SEMA3A: variants seen among roughly 807,000 people sequenced by gnomAD.
SEMA3A encodes the protein semaphorin-3A.
SEMA3A carries 29 observed loss-of-function variants against 97.9 expected under a neutral mutation model. The ratio of observed to expected loss-of-function variants is 0.30; its 90% CI spans 0.22 to 0.40. The LOEUF (loss-of-function observed/expected upper bound fraction) is 0.40, where lower values mean the gene tolerates loss of function less well. Among genes scored for constraint, SEMA3A ranks in the 10% least tolerant of loss-of-function variants. The probability of loss-of-function intolerance (pLI) is 1.00; values close to 1 mark genes in which losing one functional copy is unlikely to be tolerated. For synonymous variants in SEMA3A, 321 were observed against 323.7 expected (o/e 0.99, Z 0.09); for missense variants, 763 against 951.3 (o/e 0.80, Z 2.60).
At chr7:84,081,308 T>G (rs1794146505) in intron 4 of SEMA3A, among the ~76,000 whole-genome samples, 1 of 151,726 alleles carries the variant, frequency 6.6e-6, no homozygotes, top group Non-Finnish European at 1.5e-5. Context: ...CCCAAGCTTG[T>G]AGGGCCGGGC....
At chr7:84,338,210 T>G (rs1048346055) in intron 2 of SEMA3A, among the ~76,000 whole-genome samples, 23 of 151,664 alleles carry the variant, frequency 1.5e-4, no homozygotes, top group African/African-American at 5.5e-4. Flanking sequence ...GTTCCATATA[T>G]CCCAATAATG....
intron 12 of SEMA3A, among the ~76,000 whole-genome samples, chr7:83,990,807 T>TC (rs1321288988): frequency 1.6e-4 from 21 of 133,120 alleles, no homozygotes; most frequent in African/African-American, 5.8e-4. Flanking sequence ...CGCAGGCTCT[T>TC]TTTTGGTTCC....
intron 1 of SEMA3A, among the ~76,000 whole-genome samples, chr7:84,452,255 T>C (rs1805574402): frequency 6.6e-6 from 1 of 151,942 alleles, no homozygotes; most frequent in South Asian, 2.1e-4. Flanking sequence ...AGGCAATATA[T>C]TTTTTAAAAA....
intron 3 of SEMA3A, among the ~76,000 whole-genome samples, chr7:84,257,649 C>T (rs61237876): frequency 0.017 from 2,622 of 152,210 alleles, 75 homozygotes; most frequent in African/African-American, 0.06. Context: ...ACAGTGCCTG[C>T]TGTGATTTTC....
At chr7:84,436,095 C>A (rs1434548163) in intron 1 of SEMA3A, among the ~76,000 whole-genome samples, 1 of 152,078 alleles carries the variant, frequency 6.6e-6, no homozygotes, top group Non-Finnish European at 1.5e-5. Context: ...ACTTCCTATT[C>A]AATAAATGGT....
intron 1 of SEMA3A, among the ~76,000 whole-genome samples, chr7:84,160,186 T>C (rs1002930994): frequency 3.3e-5 from 5 of 152,132 alleles, no homozygotes; most frequent in East Asian, 1.9e-4. Flanking sequence ...ATGTTTACTA[T>C]AGACTATTTA....
chr7:84,265,388 T>G (rs1799964604), intron 3 of SEMA3A, among the ~76,000 whole-genome samples: 1 of 150,022 alleles, frequency 6.7e-6, no homozygotes, highest in African/African-American at 2.4e-5. Flanking sequence ...GAATCCACTG[T>G]AACTGCGTTC....
At chr7:84,222,851 GC>G (rs1194242673) in intron 3 of SEMA3A, among the ~76,000 whole-genome samples, 2 of 151,918 alleles carry the variant, frequency 1.3e-5, no homozygotes, top group African/African-American at 2.4e-5. Flanking sequence ...CACTAGGGAA[GC>G]TTTTGCAAAA....
intron 6 of SEMA3A, among the ~76,000 whole-genome samples, chr7:84,033,284 C>T (rs963471500): frequency 6.6e-6 from 1 of 152,018 alleles, no homozygotes; most frequent in African/African-American, 2.4e-5. Flanking sequence ...AATTTTTAGG[C>T]TGTCATAAAG....
chr7:84,300,014 A>G (rs1465167614), intron 3 of SEMA3A, among the ~76,000 whole-genome samples: 1 of 144,328 alleles, frequency 6.9e-6, no homozygotes, highest in Non-Finnish European at 1.5e-5. Flanking sequence ...CCTGGGTGAC[A>G]AGAGTGAGAC....
chr7:84,208,263 T>C (rs935054997), intron 3 of SEMA3A, among the ~76,000 whole-genome samples: 11 of 151,962 alleles, frequency 7.2e-5, no homozygotes, highest in South Asian at 4.1e-4. Flanking sequence ...CCATCCTGGC[T>C]AACATGGTGA....
intron 1 of SEMA3A, among the ~76,000 whole-genome samples, chr7:84,398,780 C>T (rs147799687): frequency 5.7e-4 from 87 of 151,626 alleles, no homozygotes; most frequent in African/African-American, 1.9e-3. Context: ...TGAACTCCAG[C>T]CTGGGCAACA....
At chr7:84,080,001 C>T (rs1201114203) in intron 4 of SEMA3A, among the ~76,000 whole-genome samples, 8 of 145,418 alleles carry the variant, frequency 5.5e-5, no homozygotes, top group East Asian at 2.0e-4. Flanking sequence ...GGCACATATA[C>T]ACCATGGAAT....
At chr7:84,134,727 C>A in intron 2 of SEMA3A, 67 bp downstream of exon 2, 2 of 1,211,124 alleles carry the variant, frequency 1.7e-6, no homozygotes, top group Non-Finnish European at 2.3e-6. Flanking sequence ...TTTTAAATAG[C>A]TAGAGAATTA....
At chr7:84,443,980 G>A (rs1305596614) in intron 1 of SEMA3A, among the ~76,000 whole-genome samples, 2 of 144,494 alleles carry the variant, frequency 1.4e-5, no homozygotes, top group Non-Finnish European at 3.0e-5. Flanking sequence ...TCCACCTCCT[G>A]GGTTCAAGCG....
At position 84,046,394 on chromosome 7, in the gene SEMA3A, A is replaced by G. The variant is rs1368858229; in HGVS notation, c.597T>C (p.Phe199=). ...GTAADFMGRD[F]AIFRTLGHHH... ...GGTGCCCAAGAGTTCGGAAGATAGC[A>G]AAGTCTCGCCCCATAAAATCAGCTG... The change falls in exon 6 of 17, where the codon TTT becomes TTC. Residue 199 remains phenylalanine, a synonymous_variant. Coordinates refer to ENST00000265362, the MANE Select transcript of SEMA3A (RefSeq NM_006080.3). The G allele has an allele frequency of 6.2e-7, 1 of 1,613,144 alleles. No individual in the cohort carries two copies. The highest frequency in any genetic ancestry group is 8.5e-7 in the Non-Finnish European group (1 of 1,179,426).
At chr7:83,964,407 T>C (rs1788591696) in intron 15 of SEMA3A, among the ~76,000 whole-genome samples, 1 of 152,220 alleles carries the variant, frequency 6.6e-6, no homozygotes, top group African/African-American at 2.4e-5. Context: ...AAAAATGTTT[T>C]CCCCTTTTTT....
intron 12 of SEMA3A, among the ~76,000 whole-genome samples, chr7:83,989,121 T>C (rs1268230725): frequency 2.0e-5 from 3 of 152,174 alleles, no homozygotes; most frequent in Non-Finnish European, 2.9e-5. Context: ...TTAAGGAGCT[T>C]ATTTCATGAA....
chr7:84,406,149 T>G (rs909205041), intron 1 of SEMA3A, among the ~76,000 whole-genome samples: 11 of 152,050 alleles, frequency 7.2e-5, no homozygotes, highest in African/African-American at 2.7e-4. Flanking sequence ...GATAGACCAC[T>G]AGCAAGACTA....
Sources: gnomAD v4.1 joint callset for allele counts (sites outside exome capture counted in the v4.1 genomes callset) on GRCh38, gnomAD v4.1.1 for gene constraint, MANE v1.5 for transcripts, NCBI Gene and HGNC (gene_info 2026-07-23, HGNC 2026-07-21) for gene names.